Variants in WWOX observed in about 807,000 individuals in gnomAD.
WWOX encodes the protein WW domain containing oxidoreductase.
A neutral mutation model predicts 46.2 loss-of-function variants in WWOX; 69 were observed. The ratio of observed to expected loss-of-function variants is 1.49; its 90% CI spans 1.23 to 1.82. The LOEUF (loss-of-function observed/expected upper bound fraction) is 1.82, where lower values mean the gene tolerates loss of function less well. WWOX is among the 40% of genes most tolerant of loss of function. The probability of loss-of-function intolerance (pLI) is 0.00; values close to 1 mark genes in which losing one functional copy is unlikely to be tolerated. For synonymous variants in WWOX, 359 were observed against 202.6 expected (o/e 1.77, Z -6.56); for missense variants, 919 against 542.6 (o/e 1.69, Z -6.89).
At position 78,323,298 on chromosome 16, in the gene WWOX, G is replaced by T. The variant is rs576121590; in HGVS notation, c.517-63562G>T. On this transcript the variant is annotated intron_variant, in intron 5 of 8. Coordinates refer to ENST00000566780, the MANE Select transcript of WWOX (RefSeq NM_016373.4). ...ATTTTTTTATTTTTAGTAGAAACGG[G>T]GTTTCACCATGTTAGCCAGGATGGT... Among the ~76,000 whole-genome samples the T allele has an allele frequency of 4.3e-4, 65 of 152,082 alleles. No homozygotes were observed. The Middle Eastern group carries it at 0.01, about 24-fold the overall frequency.
intron 6 of WWOX, among the ~76,000 whole-genome samples, chr16:78,405,336 A>G (rs1169317397): frequency 6.6e-6 from 1 of 152,154 alleles, no homozygotes; most frequent in African/African-American, 2.4e-5. Context: ...AAAATTAATT[A>G]AATGTGGCTA....
intron 8 of WWOX, among the ~76,000 whole-genome samples, chr16:78,806,871 G>C (rs78726671): frequency 6.6e-6 from 1 of 152,160 alleles, no homozygotes; most frequent in Non-Finnish European, 1.5e-5. Context: ...TAAGCAAACA[G>C]TTCGTGTCCT....
intron 8 of WWOX, among the ~76,000 whole-genome samples, chr16:78,503,192 A>G (rs1412133292): frequency 6.6e-6 from 1 of 152,172 alleles, no homozygotes; most frequent in South Asian, 2.1e-4. Flanking sequence ...ATTCCCTTTA[A>G]GCTGCTTATC....
At chr16:78,680,173 G>A (rs534895935) in intron 8 of WWOX, among the ~76,000 whole-genome samples, 1 of 152,360 alleles carries the variant, frequency 6.6e-6, no homozygotes, top group African/African-American at 2.4e-5. Flanking sequence ...ACTGAGGGAG[G>A]CTGAGGCTGG....
At chr16:79,129,750 C>G (rs563664125) in intron 8 of WWOX, among the ~76,000 whole-genome samples, 3 of 152,220 alleles carry the variant, frequency 2.0e-5, no homozygotes, top group South Asian at 2.1e-4. Context: ...ATTATTCAAT[C>G]CATGCATTGA....
intron 8 of WWOX, among the ~76,000 whole-genome samples, chr16:78,779,368 A>G (rs1477410): frequency 0.28 from 43,095 of 152,056 alleles, 6,517 homozygotes; most frequent in South Asian, 0.38. Flanking sequence ...ACTGGTCTTG[A>G]ACTCTTGAGC....
chr16:78,410,733 G>T (rs892248051), intron 6 of WWOX, among the ~76,000 whole-genome samples: 1 of 150,568 alleles, frequency 6.6e-6, no homozygotes, highest in African/African-American at 2.5e-5. Flanking sequence ...TTCAAAACAG[G>T]AGGCGGAGGT....
intron 8 of WWOX, among the ~76,000 whole-genome samples, chr16:78,483,732 A>C (rs2084556543): frequency 6.6e-6 from 1 of 152,014 alleles, no homozygotes; most frequent in Non-Finnish European, 1.5e-5. Context: ...TTTCAAATGC[A>C]GCATCGCTTG....
intron 8 of WWOX, among the ~76,000 whole-genome samples, chr16:78,439,647 A>G (rs1402243897): frequency 6.6e-6 from 1 of 152,206 alleles, no homozygotes; most frequent in Non-Finnish European, 1.5e-5. Flanking sequence ...ATCATTTGAC[A>G]TTTCTGAGGT....
intron 8 of WWOX, chr16:78,891,538 A>G (rs561195571): frequency 2.6e-5 from 4 of 152,326 alleles, no homozygotes; most frequent in Admixed American, 2.6e-4. Context: ...CACTACCCCT[A>G]GGTTACTGAC....
intron 8 of WWOX, among the ~76,000 whole-genome samples, chr16:78,796,090 C>A (rs959777165): frequency 7.9e-5 from 12 of 152,216 alleles, no homozygotes; most frequent in African/African-American, 2.9e-4. Context: ...AAGAGAATGG[C>A]TCTGAATGTC....
At chr16:78,222,684 A>T (rs1214997293) in intron 5 of WWOX, among the ~76,000 whole-genome samples, 1 of 152,142 alleles carries the variant, frequency 6.6e-6, no homozygotes, top group Non-Finnish European at 1.5e-5. Context: ...ACAAGAGGAA[A>T]TTGTGATGTT....
chr16:78,718,465 G>A (rs1262079402), intron 8 of WWOX, among the ~76,000 whole-genome samples: 1 of 152,074 alleles, frequency 6.6e-6, no homozygotes, highest in African/African-American at 2.4e-5. Context: ...GAATAGGAGG[G>A]TTCTCTTTCC....
chr16:79,122,658 C>A (rs1313258056), intron 8 of WWOX, among the ~76,000 whole-genome samples: 6 of 151,514 alleles, frequency 4.0e-5, no homozygotes, highest in African/African-American at 1.5e-4. Flanking sequence ...ACGCTAATTC[C>A]TTAATTTGTT....
chr16:78,555,023 C>A (rs972496145), intron 8 of WWOX, among the ~76,000 whole-genome samples: 1 of 152,102 alleles, frequency 6.6e-6, no homozygotes, highest in Non-Finnish European at 1.5e-5. Flanking sequence ...ACTTCTGGCT[C>A]CCTTGCCATT....
At chr16:78,358,814 C>T (rs1351417831) in intron 5 of WWOX, among the ~76,000 whole-genome samples, 1 of 147,440 alleles carries the variant, frequency 6.8e-6, no homozygotes, top group East Asian at 2.0e-4. Context: ...GTAGCTCTTT[C>T]TGACTTTTTA....
At chr16:78,728,055 CTTTTTTTTTTTTT>C (rs758484198) in intron 8 of WWOX, among the ~76,000 whole-genome samples, 5 of 86,806 alleles carry the variant, frequency 5.8e-5, no homozygotes, top group African/African-American at 2.4e-4. Context: ...TCCCTCCTTC[CTTTTTTTTTTTTT>C]TTTTTTTTTT....
intron 8 of WWOX, among the ~76,000 whole-genome samples, chr16:78,738,209 A>C (rs779585549): frequency 6.6e-6 from 1 of 152,298 alleles, no homozygotes; most frequent in Admixed American, 6.5e-5. Context: ...AGGAGACTGC[A>C]GTCATTTTAA....
chr16:78,131,357 A>G (rs539388265), intron 4 of WWOX, among the ~76,000 whole-genome samples: 5 of 151,634 alleles, frequency 3.3e-5, no homozygotes, highest in African/African-American at 1.2e-4. Context: ...GACTACAGGC[A>G]TGCACCACCA....
Sources: gnomAD v4.1 joint callset for allele counts (sites outside exome capture counted in the v4.1 genomes callset) on GRCh38, gnomAD v4.1.1 for gene constraint, MANE v1.5 for transcripts, NCBI Gene and HGNC (gene_info 2026-07-23, HGNC 2026-07-21) for gene names.